Variants in MAML3 observed in about 807,000 individuals in gnomAD.
The protein encoded by MAML3 is mastermind-like protein 3.
MAML3 carries 27 observed loss-of-function variants against 101.9 expected under a neutral mutation model. That is an observed-to-expected ratio of 0.27 (90% CI 0.20 to 0.37). MAML3 has a LOEUF of 0.37. MAML3 is among the 10% of genes least tolerant of loss of function. The pLI, the probability that MAML3 is intolerant of heterozygous loss-of-function variation, is 1.00. For missense variants in MAML3, 1,316 were observed against 1,444.9 expected (o/e 0.91, Z 1.45); for synonymous variants, 501 against 555.9 (o/e 0.90, Z 1.39).
chr4:139,902,263 G>GCGCGCGCGCACA (rs1182551411), intron 1 of MAML3, among the ~76,000 whole-genome samples: 18 of 63,946 alleles, frequency 2.8e-4, no homozygotes, highest in African/African-American at 5.5e-4. Flanking sequence ...GCACACACAC[G>GCGCGCGCGCACA]CACACACACA....
intron 1 of MAML3, among the ~76,000 whole-genome samples, chr4:139,894,812 G>A (rs1416179743): frequency 6.6e-6 from 1 of 152,156 alleles, no homozygotes; most frequent in Non-Finnish European, 1.5e-5. Flanking sequence ...AGATACCATG[G>A]TTTTGATCAG....
chr4:139,928,822 C>T (rs1473856817), intron 1 of MAML3, among the ~76,000 whole-genome samples: 1 of 151,944 alleles, frequency 6.6e-6, no homozygotes, highest in East Asian at 1.9e-4. Context: ...AGTGACCTGT[C>T]AGGAGTGACA....
chr4:139,868,057 T>C (rs1219999575), intron 2 of MAML3, among the ~76,000 whole-genome samples: 2 of 152,250 alleles, frequency 1.3e-5, no homozygotes, highest in African/African-American at 4.8e-5. Context: ...AGGGTTGTGT[T>C]AGGCACTGTG....
At chr4:139,729,662 A>G (rs1291328293) in intron 3 of MAML3, among the ~76,000 whole-genome samples, 3 of 152,196 alleles carry the variant, frequency 2.0e-5, no homozygotes, top group Non-Finnish European at 4.4e-5. Flanking sequence ...GCCTTTCCCT[A>G]GGATAATGCT....
At chr4:140,092,960 A>C (rs1218624593) in intron 1 of MAML3, among the ~76,000 whole-genome samples, 1 of 152,230 alleles carries the variant, frequency 6.6e-6, no homozygotes. Flanking sequence ...GACAGCAGAC[A>C]AGAGACAAGT....
At chr4:140,141,038 A>G (rs1728971688) in intron 1 of MAML3, among the ~76,000 whole-genome samples, 1 of 152,232 alleles carries the variant, frequency 6.6e-6, no homozygotes, top group African/African-American at 2.4e-5. Flanking sequence ...GCAGTTGCTC[A>G]GACAACCTTT....
rs76684253 is a variant in MAML3, at chr4:139,897,788, G to A, written c.469-6821C>T. On this transcript the variant is annotated intron_variant, in intron 1 of 4. Transcript: ENST00000509479. The stretch of plus-strand genomic sequence containing the variant: ...CCATCTTCAGCATCATTCAGGTCTG[G>A]CACACAGGCCTTCTGACTGGATCCT... Among the ~76,000 whole-genome samples, 8 of 152,168 alleles carry A rather than the reference G, an allele frequency of 5.3e-5. No individual in the cohort carries two copies. The East Asian group carries it at 1.2e-3, about 22-fold the overall frequency.
At chr4:139,859,276 G>A (rs1194782135) in intron 2 of MAML3, among the ~76,000 whole-genome samples, 1 of 151,042 alleles carries the variant, frequency 6.6e-6, no homozygotes, top group Non-Finnish European at 1.5e-5. Flanking sequence ...GCCCAGGCTG[G>A]AGTGCAGTGG....
At chr4:139,928,191 A>G (rs1285155898) in intron 1 of MAML3, among the ~76,000 whole-genome samples, 3 of 152,318 alleles carry the variant, frequency 2.0e-5, no homozygotes, top group Non-Finnish European at 1.5e-5. Context: ...TTCTCCATCA[A>G]TGCGATACCT....
At chr4:139,843,833 C>T (rs1469936225) in intron 2 of MAML3, among the ~76,000 whole-genome samples, 2 of 152,164 alleles carry the variant, frequency 1.3e-5, no homozygotes, top group African/African-American at 4.8e-5. Context: ...TGAGACCTCA[C>T]TGTTTGGGTC....
chr4:139,721,314 C>T (rs1164869551), intron 4 of MAML3, among the ~76,000 whole-genome samples: 5 of 152,192 alleles, frequency 3.3e-5, no homozygotes, highest in African/African-American at 4.8e-5. Flanking sequence ...GCCAGTAGAA[C>T]ACCAGTCAAC....
At chr4:140,122,589 G>A (rs911074395) in intron 1 of MAML3, among the ~76,000 whole-genome samples, 240 of 151,686 alleles carry the variant, frequency 1.6e-3, no homozygotes, top group African/African-American at 5.4e-3. Flanking sequence ...TCAGGAGATC[G>A]AGACCATCCC....
chr4:139,719,126 G>A lies in MAML3; in HGVS notation c.*197C>T, dbSNP rs190952133. 7.2e-4 allele frequency: 434 copies of A among 598,722 alleles called. 2 individuals are homozygous for A. In the African/African-American group the frequency reaches 7.5e-3, roughly 10 times the overall value. The allele number at this position is 598,722 out of a possible 1,614,324, so 37.1% of individuals were successfully genotyped here. A position where few individuals can be genotyped will look rare whatever the true frequency, so the allele number is the denominator to read the frequency against. On this transcript the variant is annotated 3_prime_UTR_variant, in exon 5 of 5. Coordinates refer to ENST00000509479, the MANE Select transcript of MAML3 (RefSeq NM_018717.5). ...ATCTGCATGGCGTCTCATCTCGATTGCTGTGTGAAAATCAGGTGAAATGAG... is the reference window on the plus strand; with the variant it reads ...ATCTGCATGGCGTCTCATCTCGATTACTGTGTGAAAATCAGGTGAAATGAG...
At chr4:140,093,384 C>CT (rs1728094599) in intron 1 of MAML3, among the ~76,000 whole-genome samples, 1 of 151,044 alleles carries the variant, frequency 6.6e-6, no homozygotes, top group Non-Finnish European at 1.5e-5. Flanking sequence ...TCAGTGGATC[C>CT]TAACCACAAA....
chr4:139,984,283 T>G (rs989838221), intron 1 of MAML3, among the ~76,000 whole-genome samples: 3 of 152,112 alleles, frequency 2.0e-5, no homozygotes, highest in Non-Finnish European at 2.9e-5. Flanking sequence ...CACAAAGCCA[T>G]GAAAATAGAT....
chr4:140,069,680 AAAAG>A lies in MAML3; in HGVS notation c.468+83176_468+83179del, dbSNP rs759273501. Among the ~76,000 whole-genome samples, 196 of 142,952 alleles carry A rather than the reference AAAAG, an allele frequency of 1.4e-3. 3 individuals carry two copies. Among genetic ancestry groups the A allele is most frequent in the Admixed American group, 6.1e-3 (86 of 14,030 alleles). 93.8% of individuals were successfully genotyped at this position (142,952 alleles called of 152,430 possible). ...AAGGAGAAGGAGAAAGAAAGAAAGAAAAAGAAAGAAAGAAGAAGAAGAAGGAGGA... is the reference window on the plus strand; with the variant it reads ...AAGGAGAAGGAGAAAGAAAGAAAGAAAAAGAAAGAAGAAGAAGAAGGAGGA... On this transcript the variant is annotated intron_variant, in intron 1 of 4. Coordinates refer to ENST00000509479, the MANE Select transcript of MAML3 (RefSeq NM_018717.5).
chr4:139,777,435 C>T (rs1730113784), intron 2 of MAML3, among the ~76,000 whole-genome samples: 1 of 152,234 alleles, frequency 6.6e-6, no homozygotes, highest in Non-Finnish European at 1.5e-5. Context: ...GCCACTTCCC[C>T]AGTCCAAGCC....
intron 1 of MAML3, among the ~76,000 whole-genome samples, chr4:139,896,315 C>T (rs902034261): frequency 6.6e-6 from 1 of 152,190 alleles, no homozygotes; most frequent in Non-Finnish European, 1.5e-5. Flanking sequence ...CCTTCTGCCT[C>T]GCAAAGCCCG....
chr4:139,985,074 T>C (rs1734513261), intron 1 of MAML3, among the ~76,000 whole-genome samples: 2 of 152,204 alleles, frequency 1.3e-5, no homozygotes, highest in African/African-American at 4.8e-5. Context: ...GAAACACCAC[T>C]AGATTATATT....
Sources: gnomAD v4.1 joint callset for allele counts (sites outside exome capture counted in the v4.1 genomes callset) on GRCh38, gnomAD v4.1.1 for gene constraint, MANE v1.5 for transcripts, NCBI Gene and HGNC (gene_info 2026-07-23, HGNC 2026-07-21) for gene names.